ACTN1: variants seen among roughly 807,000 people sequenced by gnomAD.
ACTN1 encodes alpha-actinin-1.
Under a neutral mutation model 119.6 loss-of-function variants are expected in ACTN1, and 30 were observed. The ratio of observed to expected loss-of-function variants is 0.25; its 90% confidence interval spans 0.19 to 0.34. The LOEUF (loss-of-function observed/expected upper bound fraction) is 0.34. Ranked by LOEUF, ACTN1 falls within the 10% of genes least tolerant of loss-of-function variation. The pLI, the probability that ACTN1 is intolerant of heterozygous loss-of-function variation, is 1.00. For synonymous variants in ACTN1, 429 were observed against 472.6 expected (o/e 0.91, Z 1.20); for missense variants, 764 against 1,223.4 (o/e 0.62, Z 5.60).
chr14:68,963,664 G>A (rs1594878733), intron 1 of ACTN1, among the ~76,000 whole-genome samples: 1 of 152,342 alleles, frequency 6.6e-6, no homozygotes, highest in East Asian at 1.9e-4. Flanking sequence ...GTGAGCACCT[G>A]CAACTTGCCT....
chr14:68,938,039 G>A (rs1288164316), intron 1 of ACTN1, among the ~76,000 whole-genome samples: 2 of 152,234 alleles, frequency 1.3e-5, no homozygotes, highest in Non-Finnish European at 2.9e-5. Context: ...TGGGTGGTTT[G>A]TCTAAGCAAA....
intron 1 of ACTN1, chr14:68,977,772 G>A (rs2037108957): frequency 5.8e-6 from 2 of 342,554 alleles, no homozygotes; most frequent in Non-Finnish European, 1.2e-5. Flanking sequence ...AGCCCTAACC[G>A]CACTATCCAA....
At chr14:68,892,418 A>G (rs1251733188) in intron 9 of ACTN1, 135 bp from the exon 10 acceptor site, 4 of 885,900 alleles carry the variant, frequency 4.5e-6, no homozygotes, top group Admixed American at 5.7e-5. Context: ...CTTCCCAACC[A>G]CTGACATTCC....
At chr14:68,940,597 G>T (rs2035731006) in intron 1 of ACTN1, among the ~76,000 whole-genome samples, 1 of 151,844 alleles carries the variant, frequency 6.6e-6, no homozygotes. Flanking sequence ...CCAGCACTTT[G>T]GGAGGCTGAG....
intron 1 of ACTN1, among the ~76,000 whole-genome samples, chr14:68,930,041 C>CT (rs1265252924): frequency 6.6e-6 from 1 of 152,238 alleles, no homozygotes; most frequent in Non-Finnish European, 1.5e-5. Flanking sequence ...ACAGACTCCG[C>CT]TAACCTCTTT....
At position 68,892,085 on chromosome 14, in the gene ACTN1, C is replaced by T. The variant is rs954983250; in HGVS notation, c.1054G>A (p.Ala352Thr). Reference protein sequence around the residue: ...QTKLRLSNRPAFMPSEGRMVS... With the variant: ...QTKLRLSNRPTFMPSEGRMVS... ...ATCCTGCCCTCAGAGGGCATGAAGG[C>T]AGGCCGGTTGCTGAGCCGCAGCTTG... The change falls in exon 10 of 22, where the codon GCC becomes ACC. Residue 352 changes from alanine to threonine, a missense_variant. Transcript: ENST00000394419. The T allele has an allele frequency of 1.2e-6, 2 of 1,613,618 alleles. No individual in the cohort carries two copies. The highest frequency in any genetic ancestry group is 1.7e-6 in the Non-Finnish European group (2 of 1,179,912).
At chr14:68,948,206 C>A (rs765980966) in intron 1 of ACTN1, among the ~76,000 whole-genome samples, 6 of 125,838 alleles carry the variant, frequency 4.8e-5, no homozygotes, top group Non-Finnish European at 7.0e-5. Context: ...GTGACAAAAG[C>A]TGACATTCAC....
At chr14:68,959,115 A>T (rs1159589150) in intron 1 of ACTN1, among the ~76,000 whole-genome samples, 1 of 152,210 alleles carries the variant, frequency 6.6e-6, no homozygotes, top group Admixed American at 6.5e-5. Flanking sequence ...CTCTGAACTC[A>T]GAGCCAGGAG....
Position 68,885,255 on chromosome 14 carries a change from T to C in ACTN1, c.1385+170A>G, listed in dbSNP as rs2031895417. Among the ~76,000 whole-genome samples, 1 of 152,050 alleles carries C rather than the reference T, an allele frequency of 6.6e-6. No individual in the cohort carries two copies. The highest frequency in any genetic ancestry group is 6.5e-5 in the Admixed American group (1 of 15,268). On this transcript the variant is annotated intron_variant, in intron 12 of 21. Coordinates refer to ENST00000394419, the MANE Select transcript of ACTN1 (RefSeq NM_001130004.2). This position sits in a 1 kb window ranked among gnomAD's most constrained non-coding sequence, Gnocchi z 5.6. ...CAGGATGGCAGTGGTCCCGGGCTCCTTCCCCACCAGGAGAGATATTTGTCT... is the reference window on the plus strand; with the variant it reads ...CAGGATGGCAGTGGTCCCGGGCTCCCTCCCCACCAGGAGAGATATTTGTCT...
At chr14:68,918,944 C>T (rs2034489597) in intron 3 of ACTN1, among the ~76,000 whole-genome samples, 1 of 152,316 alleles carries the variant, frequency 6.6e-6, no homozygotes, top group East Asian at 1.9e-4. Context: ...GTTTCCTTAA[C>T]TGTAAAACGT....
chr14:68,899,812 G>A (rs114258050), intron 8 of ACTN1, among the ~76,000 whole-genome samples: 1 of 152,204 alleles, frequency 6.6e-6, no homozygotes, highest in Non-Finnish European at 1.5e-5. Context: ...TTTGGGAAGA[G>A]GGGAAAAGAC....
At chr14:68,936,716 C>A in intron 1 of ACTN1, 1 of 638,280 alleles carries the variant, frequency 1.6e-6, no homozygotes, top group Non-Finnish European at 3.0e-6. Flanking sequence ...GGGGCTTTGA[C>A]AAAGCCTATG....
At chr14:68,926,063 C>G (rs2034910247) in intron 1 of ACTN1, among the ~76,000 whole-genome samples, 1 of 152,130 alleles carries the variant, frequency 6.6e-6, no homozygotes, top group African/African-American at 2.4e-5. Flanking sequence ...ACAGAGTAAC[C>G]CCGAAGGAAC....
chr14:68,970,585 G>T (rs577887389), intron 1 of ACTN1, among the ~76,000 whole-genome samples: 1 of 152,352 alleles, frequency 6.6e-6, no homozygotes, highest in Admixed American at 6.5e-5. Context: ...AAACAAGAGA[G>T]AAGGGGAGGG....
intron 1 of ACTN1, among the ~76,000 whole-genome samples, chr14:68,931,211 C>T (rs2035207430): frequency 6.6e-6 from 1 of 152,208 alleles, no homozygotes; most frequent in Non-Finnish European, 1.5e-5. Context: ...GAAGTGAAAA[C>T]ACCAACCAGA....
At position 68,877,187 on chromosome 14, in the gene ACTN1, C is replaced by T; in HGVS notation, c.2481G>A (p.Gly827=). 4 of 1,614,198 alleles carry T rather than the reference C, an allele frequency of 2.5e-6. No individual in the cohort carries two copies. The South Asian group carries it at 3.3e-5, about 13-fold the overall frequency. ...IMSIVDPNRL[G]VVTFQAFIDF... ...CAATGAAGGCCTGGAATGTCACTAC[C>T]CCCAGGCGGTTGGGGTCCACAATGC... Residue 827 remains glycine (G), a synonymous_variant, in exon 21 of 22, where the codon GGG becomes GGA. Transcript: ENST00000394419.
intron 1 of ACTN1, among the ~76,000 whole-genome samples, chr14:68,968,481 C>T (rs999041978): frequency 6.6e-6 from 1 of 152,224 alleles, no homozygotes; most frequent in Non-Finnish European, 1.5e-5. Context: ...ACCCCATCTA[C>T]ACAAAGTTTT....
At position 68,957,147 on chromosome 14, in the gene ACTN1, T is replaced by C. The variant is rs578173715; in HGVS notation, c.105+21805A>G. 9.7e-4 allele frequency among the ~76,000 whole-genome samples: 147 copies of C among 152,314 alleles called. 2 individuals carry two copies. Among genetic ancestry groups the C allele is most frequent in the Admixed American group, 1.9e-3 (29 of 15,306 alleles). ...TGGAAAACTGAAAGCTGTTTGCAAC[T>C]ATGTGTCAGATGGGCTGGCCGGAGG... On this transcript the variant is annotated intron_variant, in intron 1 of 21. Coordinates refer to ENST00000394419, the MANE Select transcript of ACTN1 (RefSeq NM_001130004.2).
At chr14:68,905,075 T>C (rs2033584686) in intron 6 of ACTN1, among the ~76,000 whole-genome samples, 1 of 152,200 alleles carries the variant, frequency 6.6e-6, no homozygotes, top group Admixed American at 6.5e-5. Context: ...GGCTTCTGGT[T>C]TCAGCTCTGC....
Sources: allele counts gnomAD v4.1 joint callset (sites outside exome capture counted in the v4.1 genomes callset), GRCh38; gene constraint gnomAD v4.1.1; non-coding constraint Gnocchi (gnomAD v3.1); transcripts MANE v1.5; gene names NCBI Gene and HGNC (gene_info 2026-07-23, HGNC 2026-07-21).